Variants in DPAGT1 observed in about 807,000 individuals in gnomAD.
DPAGT1 encodes dolichyl-phosphate N-acetylglucosaminephosphotransferase 1, also known as UDP-N-acetylglucosamine--dolichyl-phosphate N-acetylglucosaminephosphotransferase.
A neutral mutation model predicts 39.3 loss-of-function variants in DPAGT1; 25 were observed. The ratio of observed to expected loss-of-function variants is 0.64; its 90% CI spans 0.46 to 0.89. The LOEUF (loss-of-function observed/expected upper bound fraction) is 0.89, where lower values mean the gene tolerates loss of function less well. DPAGT1 is among the 40% of genes least tolerant of loss of function. DPAGT1 has a pLI of 0.00. For missense variants in DPAGT1, 381 were observed against 500.6 expected (o/e 0.76, Z 2.28); for synonymous variants, 193 against 201.4 (o/e 0.96, Z 0.36).
In DPAGT1 at chr11:119,096,903, G is replaced by C; in HGVS notation, c.*95C>G. 4.3e-6 allele frequency: 6 copies of C among 1,396,074 alleles called. No individual in the cohort carries two copies. The South Asian group carries it at 7.2e-5, about 17-fold the overall frequency. 86.5% of individuals were successfully genotyped at this position (1,396,074 alleles called of 1,614,324 possible). On this transcript the variant is annotated 3_prime_UTR_variant, in exon 9 of 9. Transcript: ENST00000354202. Reference sequence around the variant, plus strand: ...CTGGAGGAGTATGAAGAGTGAGAGAGGCCTGGGCAAGGAGGCAGTCTGGGA... The same window carrying C: ...CTGGAGGAGTATGAAGAGTGAGAGACGCCTGGGCAAGGAGGCAGTCTGGGA...
Position 119,100,842 on chromosome 11 carries a change from A to G in DPAGT1, c.284T>C (p.Phe95Ser). 1 of 1,614,208 alleles carries G rather than the reference A, an allele frequency of 6.2e-7. No homozygotes were observed. The highest frequency in any genetic ancestry group is 8.5e-7 in the Non-Finnish European group (1 of 1,180,034). ...EQCKAFPHHE[F>S]VALIGALLAI... ...AAGGAGGGCACCTATCAGGGCCACAAACTGGGGGAGGCTCGGGCAGGTCCA... is the reference window on the plus strand; with the variant it reads ...AAGGAGGGCACCTATCAGGGCCACAGACTGGGGGAGGCTCGGGCAGGTCCA... Residue 95 changes from phenylalanine to serine, a missense_variant and splice_region_variant, in exon 3 of 9, where the codon TTT (phenylalanine) becomes TCT (serine). Phe to Ser is a radical substitution (Grantham distance 155). Transcript: ENST00000354202.
In DPAGT1 at chr11:119,100,954, C is replaced by T. The variant is rs1361268919; in HGVS notation, c.282+64G>A. On this transcript the variant is annotated intron_variant, in intron 2 of 8. Transcript: ENST00000354202. ...GCCCCTCCCCACAAGCCCAAATAAC[C>T]CCAGTTCTCTCAGGTACCTCCCAGG... The T allele has an allele frequency of 3.7e-6, 6 of 1,613,960 alleles. No homozygotes were observed. The East Asian group carries it at 6.7e-5, about 18-fold the overall frequency.
chr11:119,097,709 A>G lies in DPAGT1; in HGVS notation c.917+146T>C. The G allele has an allele frequency of 7.0e-7, 1 of 1,436,672 alleles. No individual in the cohort carries two copies. The highest frequency in any genetic ancestry group is 9.8e-7 in the Non-Finnish European group (1 of 1,024,204). The allele number at this position is 1,436,672 out of a possible 1,614,324, so 89.0% of individuals were successfully genotyped here. ...CCACTGTAGCAGATTATGCAAATAA[A>G]TGTGCTTTGTAAGTTATAAAGGGCT... On this transcript the variant is annotated intron_variant, in intron 6 of 8. Coordinates refer to ENST00000354202, the MANE Select transcript of DPAGT1 (RefSeq NM_001382.4). This position sits in a 1 kb window ranked among gnomAD's most constrained non-coding sequence, Gnocchi z 4.6.
At chr11:119,101,353 G>A in intron 1 of DPAGT1, 142 bp downstream of exon 1, 1 of 1,520,996 alleles carries the variant, frequency 6.6e-7, no homozygotes, top group Admixed American at 1.7e-5. Flanking sequence ...AGTAAGTTCT[G>A]CTCATCACCT....
chr11:119,100,148 A>C, intron 4 of DPAGT1, 114 bp downstream of exon 4: 1 of 1,507,418 alleles, frequency 6.6e-7, no homozygotes, highest in South Asian at 1.1e-5. Context: ...AGCTTCCCTT[A>C]TCTTCTATAA....
At position 119,098,398 on chromosome 11, in the gene DPAGT1, C is replaced by T; in HGVS notation, c.728+5G>A. On this transcript the variant is annotated splice_donor_5th_base_variant and intron_variant, in intron 5 of 8. Transcript: ENST00000354202. ...AGTTGTCCCCTTATCCACAGGCCTA[C>T]TTACCAGTTGTGGTAGAGCAATCCC... The T allele has an allele frequency of 6.2e-7, 1 of 1,613,538 alleles. No individual in the cohort carries two copies. The highest frequency in any genetic ancestry group is 8.5e-7 in the Non-Finnish European group (1 of 1,179,530).
chr11:119,094,735 G>A, downstream of DPAGT1: 1 of 491,296 alleles, frequency 2.0e-6, no homozygotes. Flanking sequence ...GGACAGGGCA[G>A]GGCCCGAGGC....
downstream of DPAGT1, chr11:119,095,568 G>A (rs1052765095): frequency 4.0e-5 from 28 of 708,850 alleles, no homozygotes; most frequent in African/African-American, 5.2e-4. Flanking sequence ...GTTGGTTGCG[G>A]TTAACCCTTG....
downstream of DPAGT1, chr11:119,095,134 G>C (rs779396078): frequency 9.9e-6 from 16 of 1,613,924 alleles, no homozygotes; most frequent in Middle Eastern, 1.6e-4. Flanking sequence ...CGTTGCGGAT[G>C]GCCAGCTGCA....
intron 3 of DPAGT1, 49 bp from the exon 4 acceptor site, chr11:119,100,457 G>A: frequency 1.2e-6 from 2 of 1,613,718 alleles, no homozygotes; most frequent in South Asian, 1.1e-5. Flanking sequence ...TAGGGGAGGA[G>A]GATTTAAGAA....
intron 4 of DPAGT1, among the ~76,000 whole-genome samples, chr11:119,098,719 G>A (rs966719557): frequency 2.0e-5 from 3 of 152,146 alleles, no homozygotes; most frequent in Admixed American, 6.5e-5. Context: ...CCATTCTGAT[G>A]TAAGTTTGGA....
At chr11:119,095,464 C>G (rs927247757), downstream of DPAGT1, 1 of 1,442,216 alleles carries the variant, frequency 6.9e-7, no homozygotes, top group East Asian at 2.5e-5. Context: ...AGTGTAACTG[C>G]TGTCGCGCGC....
intron 4 of DPAGT1, 68 bp from the exon 5 acceptor site, chr11:119,098,555 T>A: frequency 6.5e-7 from 1 of 1,532,356 alleles, no homozygotes; most frequent in African/African-American, 1.4e-5. Flanking sequence ...GGTCCTATTT[T>A]TGTCTAAGTT....
intron 2 of DPAGT1, 62 bp from the exon 3 acceptor site, chr11:119,100,905 C>T (rs1183187133): frequency 6.2e-7 from 1 of 1,613,694 alleles, no homozygotes; most frequent in Non-Finnish European, 8.5e-7. Context: ...TTTAAGAATT[C>T]CTGTCTTTTC....
rs1473684944 is a variant in DPAGT1 at position 119,101,480 on chromosome 11, T to A, written c.161+15A>T. The A allele has an allele frequency of 1.2e-6, 2 of 1,613,972 alleles. No homozygotes were observed. Among genetic ancestry groups the A allele is most frequent in the South Asian group, 2.2e-5 (2 of 91,076 alleles). ...AGCCCTTGCCCCCTGCCCGGACCCG[T>A]GTGCCGCTGCTCACATCTGCTGTCG... On this transcript the variant is annotated intron_variant, in intron 1 of 8. Transcript: ENST00000354202.
intron 5 of DPAGT1, 76 bp from the exon 6 acceptor site, chr11:119,098,119 C>A (rs1946431699): frequency 6.3e-7 from 1 of 1,587,192 alleles, no homozygotes. Flanking sequence ...ACCCTATGGG[C>A]ACTGGACTAG....
Position 119,097,667 on chromosome 11 carries a change from G to C in DPAGT1, c.918-116C>G. On this transcript the variant is annotated intron_variant, in intron 6 of 8. Transcript: ENST00000354202. This position sits in a 1 kb window ranked among gnomAD's most constrained non-coding sequence, Gnocchi z 4.6. The stretch of plus-strand genomic sequence containing the variant: ...CCTGAGATCTATTTCTGGCTCTGCT[G>C]CTTACTGTTATCAGAACCACTGTAG... 2 of 1,433,592 alleles carry C rather than the reference G, an allele frequency of 1.4e-6. No homozygotes were observed. The highest frequency in any genetic ancestry group is 2.0e-6 in the Non-Finnish European group (2 of 1,020,026). 88.8% of individuals were successfully genotyped at this position (1,433,592 alleles called of 1,614,324 possible).
chr11:119,100,558 G>C, intron 3 of DPAGT1, 72 bp downstream of exon 3: 1 of 1,601,406 alleles, frequency 6.2e-7, no homozygotes, highest in Non-Finnish European at 8.5e-7. Flanking sequence ...AACACTTGGA[G>C]GAGAATGTGG....
Position 119,097,559 on chromosome 11 carries a change from G to A in DPAGT1, c.918-8C>T, listed in dbSNP as rs531346717. The A allele has an allele frequency of 4.8e-5, 78 of 1,614,130 alleles. 1 individual carries two copies. In the Middle Eastern group the frequency reaches 2.1e-3, roughly 44 times the overall value. ...CCTGTCTTGATATTGAGTCTGCGGGGGGAAGATAGCTTCATGTGACTGGGC... is the reference window on the plus strand; with the variant it reads ...CCTGTCTTGATATTGAGTCTGCGGGAGGAAGATAGCTTCATGTGACTGGGC... On this transcript the variant is annotated splice_polypyrimidine_tract_variant and splice_region_variant and intron_variant, in intron 6 of 8. Coordinates refer to ENST00000354202, the MANE Select transcript of DPAGT1 (RefSeq NM_001382.4). This position sits in a 1 kb window ranked among gnomAD's most constrained non-coding sequence, Gnocchi z 4.6.
Sources: allele counts gnomAD v4.1 joint callset (sites outside exome capture counted in the v4.1 genomes callset), GRCh38; gene constraint gnomAD v4.1.1; non-coding constraint Gnocchi (gnomAD v3.1); transcripts MANE v1.5; gene names NCBI Gene and HGNC (gene_info 2026-07-23, HGNC 2026-07-21).